Variants in SLC29A3 observed in about 807,000 individuals in gnomAD.
SLC29A3 encodes the protein equilibrative nucleoside transporter 3.
Under a neutral mutation model 25.4 loss-of-function variants are expected in SLC29A3, and 18 were observed. That is an observed-to-expected ratio of 0.71 (90% CI 0.49 to 1.05). The LOEUF (loss-of-function observed/expected upper bound fraction) is 1.05, where lower values mean the gene tolerates loss of function less well. Ranked by LOEUF, SLC29A3 falls within the 50% of genes least tolerant of loss-of-function variation. The probability of loss-of-function intolerance (pLI) is 0.00; values close to 1 mark genes in which losing one functional copy is unlikely to be tolerated. For missense variants in SLC29A3, 586 were observed against 609.0 expected, an observed-to-expected ratio of 0.96 and a Z score of 0.40; for synonymous variants, 258 against 267.1, an observed-to-expected ratio of 0.97 and a Z score of 0.33.
Position 71,344,192 on chromosome 10 carries a change from C to T in SLC29A3, c.301-17C>T, listed in dbSNP as rs1160254353. On this transcript the variant is annotated splice_polypyrimidine_tract_variant and intron_variant, in intron 2 of 5. Coordinates refer to ENST00000373189, the MANE Select transcript of SLC29A3 (RefSeq NM_018344.6). ...TCCCTGAGTGACCGCAGCACCTCCTCACTTGTGTGCTTGCAGAACTACTTT... is the reference window on the plus strand; with the variant it reads ...TCCCTGAGTGACCGCAGCACCTCCTTACTTGTGTGCTTGCAGAACTACTTT... 7 of 1,607,288 alleles carry T rather than the reference C, an allele frequency of 4.4e-6. No individual in the cohort carries two copies. The South Asian group carries it at 7.7e-5, about 18-fold the overall frequency.
intron 5 of SLC29A3, among the ~76,000 whole-genome samples, chr10:71,358,391 G>A (rs999592540): frequency 6.6e-6 from 1 of 152,148 alleles, no homozygotes; most frequent in Non-Finnish European, 1.5e-5. Flanking sequence ...GGATAGGAGG[G>A]GGCTGATCTG....
downstream of SLC29A3, chr10:71,365,530 T>C (rs552968815): frequency 1.2e-4 from 19 of 152,390 alleles, no homozygotes; most frequent in African/African-American, 3.8e-4. Flanking sequence ...GCATCCACTT[T>C]GCCAGGGGAG....
chr10:71,344,727 G>A (rs750906278), intron 3 of SLC29A3, among the ~76,000 whole-genome samples: 8 of 152,232 alleles, frequency 5.3e-5, no homozygotes, highest in African/African-American at 7.2e-5. Context: ...TAAGGGCCAC[G>A]AGAGGCTCCA....
intron 2 of SLC29A3, among the ~76,000 whole-genome samples, chr10:71,331,744 G>C (rs971601910): frequency 3.9e-5 from 6 of 152,234 alleles, no homozygotes; most frequent in Non-Finnish European, 8.8e-5. Flanking sequence ...TAACTTTGTA[G>C]CCATCTATGA....
At chr10:71,375,116 A>G (rs911045659) in intron 3 of SLC29A3, among the ~76,000 whole-genome samples, 13 of 152,226 alleles carry the variant, frequency 8.5e-5, no homozygotes, top group Admixed American at 7.9e-4. Context: ...ACCCTATCAG[A>G]TATTAGCTCT....
intron 4 of SLC29A3, among the ~76,000 whole-genome samples, chr10:71,354,788 C>T (rs1554817328): frequency 1.3e-5 from 2 of 152,202 alleles, no homozygotes; most frequent in Non-Finnish European, 2.9e-5. Flanking sequence ...TGGTGTTGGC[C>T]TTGTTGTCAG....
intron 3 of SLC29A3, among the ~76,000 whole-genome samples, chr10:71,369,729 T>C (rs1847197252): frequency 6.6e-6 from 1 of 152,216 alleles, no homozygotes; most frequent in Non-Finnish European, 1.5e-5. Context: ...GCAGCTACTA[T>C]GGTCAGGCTC....
chr10:71,375,346 C>T (rs1432311367), intron 3 of SLC29A3, among the ~76,000 whole-genome samples: 3 of 152,210 alleles, frequency 2.0e-5, no homozygotes, highest in Admixed American at 6.5e-5. Flanking sequence ...AACTGCAGCA[C>T]GTCCAAGTTC....
At chr10:71,322,689 C>T in intron 1 of SLC29A3, 67 bp from the exon 2 acceptor site, 1 of 1,593,288 alleles carries the variant, frequency 6.3e-7, no homozygotes, top group Non-Finnish European at 8.6e-7. Context: ...GGGTGGGTCC[C>T]CAGCTGTCCC....
chr10:71,336,986 T>C (rs538640800), intron 2 of SLC29A3, among the ~76,000 whole-genome samples: 1 of 152,262 alleles, frequency 6.6e-6, no homozygotes, highest in South Asian at 2.1e-4. Flanking sequence ...ATGGGGACCC[T>C]CTTCCTTAGG....
intron 3 of SLC29A3, chr10:71,375,694 G>A (rs1023734886): frequency 6.6e-6 from 1 of 152,126 alleles, no homozygotes; most frequent in Non-Finnish European, 1.5e-5. Flanking sequence ...TCATTTCATA[G>A]GCAAGGAAAT....
chr10:71,340,839 T>G (rs1846384712), intron 2 of SLC29A3, among the ~76,000 whole-genome samples: 1 of 152,190 alleles, frequency 6.6e-6, no homozygotes, highest in African/African-American at 2.4e-5. Context: ...CGCCGCTGGT[T>G]TCTTAGGAAG....
Position 71,344,268 on chromosome 10 carries a change from G to A in SLC29A3, c.360G>A (p.Val120=), listed in dbSNP as rs1325505039. The change falls in exon 3 of 6, where the codon GTG becomes GTA. Residue 120 remains valine, a synonymous_variant. Coordinates refer to ENST00000373189, the MANE Select transcript of SLC29A3 (RefSeq NM_018344.6). ...ASTVPSMLCL[V]ANFLLVNRVA... The stretch of plus-strand genomic sequence containing the variant: ...CCGTGCCCTCCATGCTGTGCCTGGT[G>A]GCCAACTTCCTGCTTGTCAACAGGT... 1.9e-6 allele frequency: 3 copies of A among 1,614,036 alleles called. No homozygotes were observed. The highest frequency in any genetic ancestry group is 2.5e-6 in the Non-Finnish European group (3 of 1,179,954).
At chr10:71,360,397 C>T (rs1299853535) in intron 5 of SLC29A3, among the ~76,000 whole-genome samples, 1 of 152,122 alleles carries the variant, frequency 6.6e-6, no homozygotes, top group Admixed American at 6.5e-5. Flanking sequence ...CCCGCCTTGG[C>T]CTCCCAAAGT....
chr10:71,340,246 A>G (rs1038610483), intron 2 of SLC29A3, among the ~76,000 whole-genome samples: 5 of 152,142 alleles, frequency 3.3e-5, no homozygotes, highest in African/African-American at 4.8e-5. Flanking sequence ...CTGGTTCTAT[A>G]AGGCCCACAT....
downstream of SLC29A3, among the ~76,000 whole-genome samples, chr10:71,368,094 G>A (rs763358171): frequency 2.9e-4 from 44 of 152,270 alleles, no homozygotes; most frequent in Non-Finnish European, 5.9e-4. Flanking sequence ...GCCAGGCCTA[G>A]TGGTACATGC....
At chr10:71,326,382 G>C (rs1168334114) in intron 2 of SLC29A3, among the ~76,000 whole-genome samples, 1 of 152,220 alleles carries the variant, frequency 6.6e-6, no homozygotes, top group Non-Finnish European at 1.5e-5. Flanking sequence ...ATGATCATTT[G>C]AGGGATGGGC....
intron 2 of SLC29A3, among the ~76,000 whole-genome samples, chr10:71,335,045 C>T (rs1253807806): frequency 1.3e-5 from 2 of 150,298 alleles, no homozygotes; most frequent in African/African-American, 4.9e-5. Flanking sequence ...GCTTGGCCAT[C>T]ATTTGTTGAA....
intron 1 of SLC29A3, among the ~76,000 whole-genome samples, chr10:71,322,065 C>G (rs1328293066): frequency 6.6e-6 from 1 of 151,920 alleles, no homozygotes; most frequent in African/African-American, 2.4e-5. Context: ...GTTTTTGAAC[C>G]GGTAATAAAC....
Sources: allele counts gnomAD v4.1 joint callset (sites outside exome capture counted in the v4.1 genomes callset), GRCh38; gene constraint gnomAD v4.1.1; transcripts MANE v1.5; gene names NCBI Gene and HGNC (gene_info 2026-07-23, HGNC 2026-07-21).